The following LBHD1 variants were observed in gnomAD, a reference collection of about 807,000 sequenced individuals.
LBHD1 encodes LBH domain containing 1.
Under a neutral mutation model 31.1 loss-of-function variants are expected in LBHD1, and 28 were observed. The ratio of observed to expected loss-of-function variants is 0.90; its 90% CI spans 0.67 to 1.24. The LOEUF (loss-of-function observed/expected upper bound fraction) is 1.24. Among genes scored for constraint, LBHD1 ranks in the 50% most tolerant of loss-of-function variants. The pLI is 0.00. For missense variants in LBHD1, 350 were observed against 323.0 expected (o/e 1.08, Z -0.64); for synonymous variants, 105 against 116.5 (o/e 0.90, Z 0.63).
intron 1 of LBHD1, 134 bp from the exon 2 acceptor site, chr11:62,670,175 G>A (rs489778): frequency 5.5e-6 from 5 of 905,820 alleles, no homozygotes; most frequent in Non-Finnish European, 8.1e-6. Flanking sequence ...GCTTTCAGGG[G>A]AGGGGAAAAT....
chr11:62,671,769 G>T lies in LBHD1; in HGVS notation c.-216C>A. On this transcript the variant is annotated 5_prime_UTR_variant, in exon 1 of 7. Coordinates refer to ENST00000354588, the MANE Select transcript of LBHD1 (RefSeq NM_024099.5). Reference sequence around the variant, plus strand: ...CCATGGATTCCTTGCGGAAAATGCTGATCTCAGTCGCAATGCTGGGCGCAG... The same window carrying T: ...CCATGGATTCCTTGCGGAAAATGCTTATCTCAGTCGCAATGCTGGGCGCAG... 6.2e-7 allele frequency: 1 copy of T among 1,614,060 alleles called. No individual in the cohort carries two copies. Among genetic ancestry groups the T allele is most frequent in the East Asian group, 2.2e-5 (1 of 44,872 alleles).
At chr11:62,666,069 C>T in intron 4 of LBHD1, 6 of 1,149,670 alleles carry the variant, frequency 5.2e-6, no homozygotes, top group Non-Finnish European at 7.3e-6. Context: ...TACGGTGGGC[C>T]GTGCGTGGTG....
intron 5 of LBHD1, 144 bp from the exon 6 acceptor site, chr11:62,663,477 C>G: frequency 1.3e-6 from 1 of 755,222 alleles, no homozygotes; most frequent in African/African-American, 1.8e-5. Flanking sequence ...GAGGCCGAGG[C>G]GGCTGGATCA....
intron 4 of LBHD1, 120 bp from the exon 5 acceptor site, chr11:62,665,093 C>T (rs754863234): frequency 6.9e-7 from 1 of 1,443,824 alleles, no homozygotes; most frequent in South Asian, 1.2e-5. Flanking sequence ...GGCTCAGGAA[C>T]GCTTGAGGAA....
At chr11:62,669,513 T>G in intron 3 of LBHD1, 128 bp downstream of exon 3, 1 of 1,505,384 alleles carries the variant, frequency 6.6e-7, no homozygotes, top group Non-Finnish European at 8.8e-7. Flanking sequence ...CTCCCACATC[T>G]TCACATTTAT....
Position 62,664,982 on chromosome 11 carries a change from G to A in LBHD1, c.539-9C>T. On this transcript the variant is annotated splice_polypyrimidine_tract_variant and intron_variant, in intron 4 of 6. Coordinates refer to ENST00000354588, the MANE Select transcript of LBHD1 (RefSeq NM_024099.5). The stretch of plus-strand genomic sequence containing the variant: ...AGCTTCTTCTTCAGCTCCTGCCGGG[G>A]AGAAAGATGCGAATCAGATGGAGTG... 1.2e-6 allele frequency: 2 copies of A among 1,609,960 alleles called. No homozygotes were observed. Among genetic ancestry groups the A allele is most frequent in the Middle Eastern group, 3.3e-4 (2 of 6,060 alleles).
At chr11:62,666,364 G>T (rs694082) in intron 4 of LBHD1, 3 of 1,601,678 alleles carry the variant, frequency 1.9e-6, no homozygotes, top group East Asian at 4.5e-5. Flanking sequence ...TGGCGACATA[G>T]ACCAAGTGAC....
rs755555502 is a variant in LBHD1, at chr11:62,669,938, T to C, written c.94A>G (p.Asn32Asp). The C allele has an allele frequency of 6.2e-7, 1 of 1,614,200 alleles. No homozygotes were observed. The highest frequency in any genetic ancestry group is 8.5e-7 in the Non-Finnish European group (1 of 1,180,042). ...ATTTTTCCTCTGTCCCAGAGAGGGT[T>C]GGGCAGCCTGGGACTTTCTGGATGC... ...SQHPESPRLP[N>D]PLWDRGKIGK... is the part of the protein sequence containing the mutation. Residue 32 changes from asparagine (N) to aspartate (D), a missense_variant, in exon 2 of 7, where the codon AAC becomes GAC. By Grantham distance (23) the Asn-to-Asp change is conservative. Coordinates refer to ENST00000354588, the MANE Select transcript of LBHD1 (RefSeq NM_024099.5).
intron 5 of LBHD1, among the ~76,000 whole-genome samples, chr11:62,664,387 G>A (rs559159399): frequency 3.8e-4 from 51 of 135,606 alleles, no homozygotes; most frequent in African/African-American, 1.3e-3. Context: ...CTGGAGTGCA[G>A]TGGCGTGATC....
chr11:62,668,464 GAGGGTGACTC>G (rs1291322648), intron 3 of LBHD1: 1 of 140,446 alleles, frequency 7.1e-6, no homozygotes, highest in Non-Finnish European at 1.5e-5. Flanking sequence ...CTGGGCAACA[GAGGGTGACTC>G]TGTCTCAAAA....
chr11:62,667,254 A>G lies in LBHD1; in HGVS notation c.538+269T>C, dbSNP rs184318382. ...AATAACTTGGAGTTACGGAGATTAC[A>G]TACAATGATGTGCGCAATATTTAGC... On this transcript the variant is annotated intron_variant, in intron 4 of 6. Transcript: ENST00000354588. The G allele has an allele frequency of 2.2e-5, 14 of 645,662 alleles. No individual in the cohort carries two copies. In the East Asian group the frequency reaches 2.7e-4, roughly 13 times the overall value. The allele number at this position is 645,662 out of a possible 1,614,324, so 40.0% of individuals were successfully genotyped here.
Position 62,672,236 on chromosome 11 carries a change from G to A in LBHD1, c.-683C>T. On this transcript the variant is annotated 5_prime_UTR_variant, in exon 1 of 7. Transcript: ENST00000354588. ...AGATACCATGCCAGGACTCTCCGGG[G>A]TCCTGTGAGCTGCCGTCGGGTGAGC... 9.4e-7 allele frequency: 1 copy of A among 1,061,962 alleles called. No homozygotes were observed. The highest frequency in any genetic ancestry group is 1.3e-6 in the Non-Finnish European group (1 of 745,612). 65.8% of individuals were successfully genotyped at this position (1,061,962 alleles called of 1,614,324 possible).
At position 62,662,860 on chromosome 11, in the gene LBHD1, G is replaced by A; in HGVS notation, c.*269C>T. 1.7e-6 allele frequency: 1 copy of A among 592,694 alleles called. No individual in the cohort carries two copies. Among genetic ancestry groups the A allele is most frequent in the Non-Finnish European group, 3.0e-6 (1 of 335,426 alleles). The allele number at this position is 592,694 out of a possible 1,614,324, so 36.7% of individuals were successfully genotyped here. On this transcript the variant is annotated 3_prime_UTR_variant, in exon 7 of 7. Transcript: ENST00000354588. ...ATTACAAATGGAGTTGACTGCTAGAGAGGCCCTTCTCCAATCTTTCTTCTG... is the reference window on the plus strand; with the variant it reads ...ATTACAAATGGAGTTGACTGCTAGAAAGGCCCTTCTCCAATCTTTCTTCTG...
At chr11:62,666,742 C>A (rs201025757) in intron 4 of LBHD1, 130 of 1,614,054 alleles carry the variant, frequency 8.1e-5, no homozygotes, top group Non-Finnish European at 6.0e-5. Flanking sequence ...CCTCAAGCCT[C>A]CACTTCATGC....
chr11:62,665,390 C>G, intron 4 of LBHD1: 1 of 1,212,108 alleles, frequency 8.3e-7, no homozygotes, highest in Non-Finnish European at 1.2e-6. Context: ...GTGGGGGTGC[C>G]GGGTGGAAGG....
chr11:62,663,302 CTGACAGTGTAA>C lies in LBHD1; in HGVS notation c.684_694del (p.His228GlnfsTer50), dbSNP rs758431210. 9.9e-6 allele frequency: 16 copies of C among 1,614,072 alleles called. No individual in the cohort carries two copies. Among genetic ancestry groups the C allele is most frequent in the African/African-American group, 1.3e-5 (1 of 74,928 alleles). On this transcript the variant is annotated frameshift_variant, in exon 6 of 7. Transcript: ENST00000354588. LOFTEE classifies it high-confidence loss of function. The stretch of plus-strand genomic sequence containing the variant: ...TGGAGGAGTTTTCTGCGCTTCTTCC[CTGACAGTGTAA>C]TGTTGGCACGTGCACTGGACCTGAT...
intron 4 of LBHD1, 137 bp from the exon 5 acceptor site, chr11:62,665,110 TCG>T: frequency 7.6e-7 from 1 of 1,316,282 alleles, no homozygotes; most frequent in African/African-American, 1.5e-5. Context: ...GGAAACAAAG[TCG>T]CGGCCCCCAC....
Position 62,667,717 on chromosome 11 carries a change from C to T in LBHD1, c.344G>A (p.Ser115Asn). Reference protein sequence around the residue: ...GWAWSPQDPRSPLRTFNAGLS... With the variant: ...GWAWSPQDPRNPLRTFNAGLS... ...TCCAGCGTTAAATGTTCTTAAAGGACTTCTAGGGTCCTGTGGGCTCCAAGC... is the reference window on the plus strand; with the variant it reads ...TCCAGCGTTAAATGTTCTTAAAGGATTTCTAGGGTCCTGTGGGCTCCAAGC... The change falls in exon 4 of 7, where the codon AGT becomes AAT. Residue 115 changes from serine to asparagine, a missense_variant. Physicochemically the swap from Ser to Asn is conservative, Grantham distance 46 (BLOSUM62 1). Transcript: ENST00000354588. 2 of 1,612,518 alleles carry T rather than the reference C, an allele frequency of 1.2e-6. No homozygotes were observed. The highest frequency in any genetic ancestry group is 1.7e-4 in the Middle Eastern group (1 of 6,052).
At chr11:62,666,843 G>T (rs913182455) in intron 4 of LBHD1, 1 of 1,614,166 alleles carries the variant, frequency 6.2e-7, no homozygotes, top group East Asian at 2.2e-5. Context: ...GTTGCCCGGG[G>T]AGGTCTGCCT....
Sources: allele counts gnomAD v4.1 joint callset (sites outside exome capture counted in the v4.1 genomes callset), GRCh38; gene constraint gnomAD v4.1.1; transcripts MANE v1.5; gene names NCBI Gene and HGNC (gene_info 2026-07-23, HGNC 2026-07-21).